TBCD: variants seen among roughly 807,000 people sequenced by gnomAD.
TBCD encodes the protein tubulin folding cofactor D, also known as tubulin-specific chaperone D.
TBCD carries 105 observed loss-of-function variants against 169.3 expected under a neutral mutation model. That is an observed-to-expected ratio of 0.62 (90% CI 0.53 to 0.73). TBCD has a LOEUF of 0.73. Ranked by LOEUF, TBCD falls within the 30% of genes least tolerant of loss-of-function variation. The pLI is 0.00. For missense variants in TBCD, 1,444 were observed against 1,600.1 expected (o/e 0.90, Z 1.66); for synonymous variants, 700 against 643.9 (o/e 1.09, Z -1.32).
intron 12 of TBCD, among the ~76,000 whole-genome samples, chr17:82,811,833 C>T (rs763091608): frequency 2.6e-5 from 4 of 152,144 alleles, no homozygotes; most frequent in South Asian, 2.1e-4. Flanking sequence ...TTCCCTGGGA[C>T]GTGTGGTAAG....
chr17:82,879,032 T>C (rs1411875876), intron 14 of TBCD, among the ~76,000 whole-genome samples: 6 of 151,894 alleles, frequency 4.0e-5, no homozygotes, highest in Non-Finnish European at 8.8e-5. Flanking sequence ...CAGGTTGGCT[T>C]CTGTGTCCTT....
chr17:82,942,296 C>G, intron 38 of TBCD, 153 bp from the exon 39 acceptor site: 14 of 1,087,606 alleles, frequency 1.3e-5, no homozygotes, highest in Non-Finnish European at 1.9e-5. Flanking sequence ...AGCCACATAG[C>G]TCAGGCTGCC....
chr17:82,762,439 T>C (rs1380274677), intron 2 of TBCD, among the ~76,000 whole-genome samples: 1 of 152,064 alleles, frequency 6.6e-6, no homozygotes, highest in East Asian at 1.9e-4. Flanking sequence ...TAGCAGAAAG[T>C]GTCTTACTTG....
chr17:82,928,401 T>C (rs2061933533), intron 30 of TBCD, among the ~76,000 whole-genome samples: 1 of 152,206 alleles, frequency 6.6e-6, no homozygotes, highest in Admixed American at 6.5e-5. Flanking sequence ...GAGGCTGCCA[T>C]TGGGGCCTGC....
At chr17:82,754,121 C>T (rs965074704) in intron 1 of TBCD, among the ~76,000 whole-genome samples, 7 of 151,792 alleles carry the variant, frequency 4.6e-5, no homozygotes, top group African/African-American at 7.3e-5. Flanking sequence ...GTGATCCACC[C>T]GCCTCAGCCT....
At chr17:82,887,778 G>A (rs567346629) in intron 15 of TBCD, among the ~76,000 whole-genome samples, 5 of 152,214 alleles carry the variant, frequency 3.3e-5, no homozygotes, top group East Asian at 1.9e-4. Context: ...TTTCTGTGTC[G>A]GCCTTTTTGA....
rs560799062 is a variant in TBCD, at chr17:82,931,000, C to T, written c.3113+357C>T. On this transcript the variant is annotated intron_variant, in intron 33 of 38. Coordinates refer to ENST00000355528, the MANE Select transcript of TBCD (RefSeq NM_005993.5). This position sits in a 1 kb window ranked among gnomAD's most constrained non-coding sequence, Gnocchi z 5.2. ...TCCCACGGACGTGCTTGCGGACGCT[C>T]ATCAGCCACCCGGCAAGTGAGAGCT... Among the ~76,000 whole-genome samples the T allele has an allele frequency of 1.3e-5, 2 of 152,336 alleles. No homozygotes were observed. Among genetic ancestry groups the T allele is most frequent in the African/African-American group, 2.4e-5 (1 of 41,578 alleles).
intron 19 of TBCD, among the ~76,000 whole-genome samples, chr17:82,905,349 G>A (rs1001585044): frequency 1.8e-4 from 28 of 152,254 alleles, no homozygotes; most frequent in African/African-American, 6.3e-4. Flanking sequence ...CCAGCACACC[G>A]CAGCCTCCGT....
chr17:82,804,003 G>C (rs1423715339), intron 9 of TBCD, among the ~76,000 whole-genome samples: 1 of 146,486 alleles, frequency 6.8e-6, no homozygotes, highest in Admixed American at 6.7e-5. Flanking sequence ...AGGGGAGAGT[G>C]GGGGCCGGGG....
chr17:82,903,310 A>T lies in TBCD; in HGVS notation c.1731-95A>T. 1 of 1,183,402 alleles carries T rather than the reference A, an allele frequency of 8.5e-7. No individual in the cohort carries two copies. Among genetic ancestry groups the T allele is most frequent in the Non-Finnish European group, 1.2e-6 (1 of 819,974 alleles). 73.3% of individuals were successfully genotyped at this position (1,183,402 alleles called of 1,614,324 possible). On this transcript the variant is annotated intron_variant, in intron 18 of 38. Transcript: ENST00000355528. The surrounding 1 kb of genome is among the most constrained non-coding windows in gnomAD (Gnocchi z 4.8). ...GCCTCTGCTAAGTGGCCGGTTGAGG[A>T]CTCGTGTGTTGTCTCCCTCACTTTC...
rs112330969 is a variant in TBCD at position 82,788,606 on chromosome 17, C to T, written c.771+6885C>T. 9.6e-4 allele frequency among the ~76,000 whole-genome samples: 146 copies of T among 152,300 alleles called. 2 individuals carry two copies. The Middle Eastern group carries it at 0.01, about 11-fold the overall frequency. On this transcript the variant is annotated intron_variant, in intron 7 of 38. Coordinates refer to ENST00000355528, the MANE Select transcript of TBCD (RefSeq NM_005993.5). ...ATTAAAAACCAAGAAAGCCAAAGAA[C>T]GCTGGCACTGTCAGCCTCACTCCCA...
At chr17:82,940,221 G>GCGCGCGCACACACACACACA (rs1356825330) in intron 37 of TBCD, among the ~76,000 whole-genome samples, 1 of 131,700 alleles carries the variant, frequency 7.6e-6, no homozygotes, top group African/African-American at 2.5e-5. Context: ...TTGCACGCGC[G>GCGCGCGCACACACACACACA]CACACACACA....
At chr17:82,885,819 G>A (rs1261076456) in intron 15 of TBCD, among the ~76,000 whole-genome samples, 2 of 152,108 alleles carry the variant, frequency 1.3e-5, no homozygotes, top group African/African-American at 2.4e-5. Flanking sequence ...AAATACCACC[G>A]AGTGCACCTA....
At chr17:82,839,149 TA>T (rs2054242905) in intron 13 of TBCD, among the ~76,000 whole-genome samples, 1 of 152,236 alleles carries the variant, frequency 6.6e-6, no homozygotes, top group South Asian at 2.1e-4. Flanking sequence ...GTACTTATTT[TA>T]AACTTTAAAA....
intron 13 of TBCD, chr17:82,838,855 C>T (rs1251520851): frequency 1.0e-6 from 1 of 985,318 alleles, no homozygotes; most frequent in African/African-American, 1.7e-5. Flanking sequence ...ACGCTCACCA[C>T]TTTACAGTCG....
At chr17:82,927,861 C>T (rs1416613484) in intron 29 of TBCD, 44 bp from the exon 30 acceptor site, 16 of 1,568,454 alleles carry the variant, frequency 1.0e-5, no homozygotes, top group African/African-American at 2.7e-5. Flanking sequence ...GGGTTGGAAC[C>T]CCCCTCTCAA....
chr17:82,756,574 G>A (rs780380170), intron 2 of TBCD, among the ~76,000 whole-genome samples: 1 of 152,078 alleles, frequency 6.6e-6, no homozygotes, highest in Admixed American at 6.5e-5. Context: ...CCAGCTCCCT[G>A]GTTCAAGGGA....
chr17:82,839,825 G>A (rs546866090), intron 13 of TBCD: 1 of 152,374 alleles, frequency 6.6e-6, no homozygotes, highest in South Asian at 2.1e-4. Flanking sequence ...GCAAGGCAGA[G>A]CAGACACGGA....
chr17:82,893,342 G>A (rs2059275783), intron 16 of TBCD: 1 of 564,170 alleles, frequency 1.8e-6, no homozygotes, highest in Admixed American at 3.6e-5. Flanking sequence ...GATTTAGCGT[G>A]GTGTTGCCTG....
Sources: gnomAD v4.1 joint callset for allele counts (sites outside exome capture counted in the v4.1 genomes callset) on GRCh38, gnomAD v4.1.1 for gene constraint, Gnocchi (gnomAD v3.1) non-coding constraint, MANE v1.5 for transcripts, NCBI Gene and HGNC (gene_info 2026-07-23, HGNC 2026-07-21) for gene names.